The following SLC14A1 variants were observed in gnomAD, a reference collection of about 807,000 sequenced individuals.
SLC14A1 encodes the protein solute carrier family 14 member 1 (Kidd blood group).
SLC14A1 carries 36 observed loss-of-function variants against 39.6 expected under a neutral mutation model. The ratio of observed to expected loss-of-function variants is 0.91; its 90% CI spans 0.70 to 1.20. The LOEUF is 1.20. Ranked by LOEUF, SLC14A1 falls within the 50% of genes most tolerant of loss-of-function variation. SLC14A1 has a pLI of 0.00. For missense variants in SLC14A1, 469 were observed against 478.7 expected, an observed-to-expected ratio of 0.98 and a Z score of 0.19; for synonymous variants, 164 against 173.6, an observed-to-expected ratio of 0.94 and a Z score of 0.43.
chr18:45,739,873 G>A, intron 8 of SLC14A1: 1 of 622,366 alleles, frequency 1.6e-6, no homozygotes, highest in Non-Finnish European at 2.8e-6. Context: ...TGTGAAGGCA[G>A]GAGCCTATTG....
Position 45,751,814 on chromosome 18 carries a change from T to TAA in SLC14A1, c.*1863_*1864insAA, listed in dbSNP as rs2047718789. On this transcript the variant is annotated 3_prime_UTR_variant, in exon 10 of 10. Coordinates refer to ENST00000321925, the MANE Select transcript of SLC14A1 (RefSeq NM_015865.7). ...TTAATTAATTAATTAATTAATTAATTTAAAAAGGAAGTCATGTTCATTTAC... is the reference window on the plus strand; with the variant it reads ...TTAATTAATTAATTAATTAATTAATTAATAAAAAGGAAGTCATGTTCATTTAC... The TAA allele has an allele frequency of 1.1e-6, 1 of 947,994 alleles. No individual in the cohort carries two copies. Among genetic ancestry groups the TAA allele is most frequent in the Admixed American group, 6.2e-5 (1 of 16,168 alleles). The allele number at this position is 947,994 out of a possible 1,614,324, so 58.7% of individuals were successfully genotyped here. A position where few individuals can be genotyped will look rare whatever the true frequency, so the allele number is the denominator to read the frequency against.
At chr18:45,729,207 GT>G (rs1394765266) in intron 2 of SLC14A1, 1 of 152,186 alleles carries the variant, frequency 6.6e-6, no homozygotes, top group African/African-American at 2.4e-5. Flanking sequence ...GCCTTCCAGG[GT>G]CTGATGATTT....
intron 8 of SLC14A1, among the ~76,000 whole-genome samples, chr18:45,745,836 A>C (rs548936585): frequency 1.3e-5 from 2 of 152,300 alleles, no homozygotes; most frequent in African/African-American, 4.8e-5. Context: ...TTTGAGACAG[A>C]TCTCCAGCCC....
At chr18:45,742,951 G>T (rs148835069) in intron 8 of SLC14A1, among the ~76,000 whole-genome samples, 2,409 of 152,350 alleles carry the variant, frequency 0.016, 29 homozygotes, top group Middle Eastern at 0.02. Context: ...CTCCCAAAGT[G>T]CTGGGATTAC....
intron 2 of SLC14A1, among the ~76,000 whole-genome samples, chr18:45,725,310 G>A (rs564621720): frequency 1.3e-5 from 2 of 152,308 alleles, no homozygotes; most frequent in South Asian, 4.1e-4. Context: ...GTGATCTGGG[G>A]TATGAAAAGT....
rs759413576 is a variant in SLC14A1 at position 45,730,449 on chromosome 18, A to G, written c.129A>G (p.Lys43=). Residue 43 remains lysine (K), a synonymous_variant, in exon 3 of 10, where the codon AAA becomes AAG. Transcript: ENST00000321925. ...KALGYVTGDM[K]ELANQLKDKP... is the part of the protein sequence containing the mutation. Reference sequence around the variant, plus strand: ...TTGGCTATGTCACCGGTGACATGAAAGAACTTGCCAACCAGCTTAAAGGTA... The same window carrying G: ...TTGGCTATGTCACCGGTGACATGAAGGAACTTGCCAACCAGCTTAAAGGTA... 6.2e-6 allele frequency: 10 copies of G among 1,614,206 alleles called. No individual in the cohort carries two copies. The highest frequency in any genetic ancestry group is 8.5e-6 in the Non-Finnish European group (10 of 1,180,030).
At chr18:45,736,892 C>A (rs987885989) in intron 6 of SLC14A1, among the ~76,000 whole-genome samples, 2 of 138,624 alleles carry the variant, frequency 1.4e-5, no homozygotes, top group Non-Finnish European at 3.1e-5. Context: ...ACAGTGCTAA[C>A]CCCAGAGTAC....
chr18:45,746,540 A>G (rs2047549895), intron 8 of SLC14A1, among the ~76,000 whole-genome samples: 1 of 152,190 alleles, frequency 6.6e-6, no homozygotes, highest in South Asian at 2.1e-4. Flanking sequence ...ACAAGGCCTC[A>G]TGTGCTCAGG....
chr18:45,729,802 A>C (rs370432705), intron 2 of SLC14A1: 2 of 152,312 alleles, frequency 1.3e-5, no homozygotes, highest in African/African-American at 4.8e-5. Context: ...AACTTTTTAT[A>C]AAATAAAAAT....
chr18:45,727,497 A>T, intron 2 of SLC14A1: 1 of 1,446,430 alleles, frequency 6.9e-7, no homozygotes, highest in Non-Finnish European at 9.2e-7. Flanking sequence ...TTCCGGGCAG[A>T]GCCTGGGAAG....
Position 45,739,281 on chromosome 18 carries a change from C to G in SLC14A1, c.782C>G (p.Ala261Gly). 2 of 1,614,158 alleles carry G rather than the reference C, an allele frequency of 1.2e-6. No homozygotes were observed. Among genetic ancestry groups the G allele is most frequent in the Non-Finnish European group, 1.7e-6 (2 of 1,180,018 alleles). The change falls in exon 7 of 10, where the codon GCC becomes GGC. Residue 261 changes from alanine to glycine, a missense_variant. Ala to Gly is a moderately conservative substitution (Grantham distance 60, BLOSUM62 0). Transcript: ENST00000321925. ...TCCCCACTCATGTGCCTGCATGCTG[C>G]CATAGGATCATTGCTGGGCATAGCA... ...LSSPLMCLHA[A>G]IGSLLGIAAG...
At chr18:45,735,184 A>G (rs975700068) in intron 5 of SLC14A1, among the ~76,000 whole-genome samples, 10 of 152,332 alleles carry the variant, frequency 6.6e-5, no homozygotes, top group Admixed American at 5.2e-4. Context: ...AGCTTCCCAG[A>G]TGACTCTAAA....
intron 8 of SLC14A1, among the ~76,000 whole-genome samples, chr18:45,746,203 G>C (rs1172659810): frequency 6.6e-6 from 1 of 152,190 alleles, no homozygotes; most frequent in Non-Finnish European, 1.5e-5. Flanking sequence ...CATTGGAAGG[G>C]ACACTATCCA....
chr18:45,736,598 C>T lies in SLC14A1; in HGVS notation c.613C>T (p.Pro205Ser), dbSNP rs760632131. ...NPFFPAKLVI[P>S]ITTAPNISWS... is the part of the protein sequence containing the mutation. ...ATTCTTTCCAGCCAAACTGGTCATACCTATAACTACAGCTCCAAATATCTC... is the reference window on the plus strand; with the variant it reads ...ATTCTTTCCAGCCAAACTGGTCATATCTATAACTACAGCTCCAAATATCTC... The change falls in exon 6 of 10, where the codon CCT (proline) becomes TCT (serine). Residue 205 changes from proline to serine, a missense_variant. Physicochemically the swap from Pro to Ser is moderately conservative, Grantham distance 74. Transcript: ENST00000321925. The T allele has an allele frequency of 4.3e-6, 7 of 1,614,068 alleles. No homozygotes were observed. In the East Asian group the frequency reaches 1.3e-4, roughly 31 times the overall value.
intron 2 of SLC14A1, chr18:45,729,379 T>C (rs950939437): frequency 4.6e-5 from 7 of 152,242 alleles, no homozygotes; most frequent in African/African-American, 1.4e-4. Context: ...ATCATTTTTG[T>C]CTTCAAGGTA....
rs1049273551 is a variant in SLC14A1, at chr18:45,751,526, C to T, written c.*1575C>T. On this transcript the variant is annotated 3_prime_UTR_variant, in exon 10 of 10. Transcript: ENST00000321925. ...CAGGGACTGGCTCACACCTGTAATC[C>T]CAGCACTTTGGGAGATGGAGGTAAA... The T allele has an allele frequency of 1.0e-6, 1 of 984,684 alleles. No individual in the cohort carries two copies. The highest frequency in any genetic ancestry group is 1.8e-5 in the African/African-American group (1 of 57,094). 61.0% of individuals were successfully genotyped at this position (984,684 alleles called of 1,614,324 possible).
chr18:45,726,226 AGT>A (rs753736183), intron 2 of SLC14A1, among the ~76,000 whole-genome samples: 9 of 152,184 alleles, frequency 5.9e-5, no homozygotes, highest in Non-Finnish European at 1.2e-4. Context: ...ACATGTCAGA[AGT>A]GTTTCCTAAA....
chr18:45,736,707 T>G (rs2047207630), intron 6 of SLC14A1, 59 bp downstream of exon 6: 1 of 1,451,664 alleles, frequency 6.9e-7, no homozygotes, highest in Non-Finnish European at 9.7e-7. Flanking sequence ...AATGGCCTCC[T>G]GGTCAACTGT....
At chr18:45,739,856 T>C (rs2047309121) in intron 8 of SLC14A1, 194 bp downstream of exon 8, 1 of 652,562 alleles carries the variant, frequency 1.5e-6, no homozygotes, top group African/African-American at 1.8e-5. Flanking sequence ...CCTACCTCTC[T>C]GATGATTGTG....
Sources: allele counts gnomAD v4.1 joint callset (sites outside exome capture counted in the v4.1 genomes callset), GRCh38; gene constraint gnomAD v4.1.1; transcripts MANE v1.5; gene names NCBI Gene and HGNC (gene_info 2026-07-23, HGNC 2026-07-21).